The following RPH3AL variants were observed in gnomAD, a reference collection of about 807,000 sequenced individuals.
The protein encoded by RPH3AL is rabphilin 3A like (without C2 domains), also known as rab effector Noc2.
Under a neutral mutation model 43.1 loss-of-function variants are expected in RPH3AL, and 38 were observed. The observed-to-expected ratio is 0.88, with a 90% confidence interval of 0.68 to 1.15. The LOEUF is 1.15. RPH3AL is among the 50% of genes most tolerant of loss of function. The pLI, the probability that RPH3AL is intolerant of heterozygous loss-of-function variation, is 0.00. For synonymous variants in RPH3AL, 189 were observed against 176.3 expected, an observed-to-expected ratio of 1.07 and a Z score of -0.57; for missense variants, 462 against 423.2, an observed-to-expected ratio of 1.09 and a Z score of -0.81.
chr17:305,506 C>A (rs1376685369), intron 5 of RPH3AL, among the ~76,000 whole-genome samples: 2 of 152,164 alleles, frequency 1.3e-5, no homozygotes, highest in Non-Finnish European at 2.9e-5. Flanking sequence ...TCGGTTCCTT[C>A]TCCACTGGAT....
At chr17:312,446 G>A (rs905822339) in intron 5 of RPH3AL, among the ~76,000 whole-genome samples, 10 of 152,142 alleles carry the variant, frequency 6.6e-5, no homozygotes, top group African/African-American at 2.2e-4. Context: ...TCAGAATTTC[G>A]TGCCTCCAAA....
At chr17:236,646 G>A (rs886679131) in intron 7 of RPH3AL, among the ~76,000 whole-genome samples, 9 of 152,228 alleles carry the variant, frequency 5.9e-5, no homozygotes, top group African/African-American at 1.2e-4. Flanking sequence ...CAGCTCAGCC[G>A]CCCTGTCTGT....
At chr17:347,266 A>T (rs550081788) in intron 1 of RPH3AL, among the ~76,000 whole-genome samples, 1,012 of 80,152 alleles carry the variant, frequency 0.013, 162 homozygotes, top group African/African-American at 0.027. Flanking sequence ...CCAGATTTTA[A>T]AAAAATAAAT....
Position 215,750 on chromosome 17 carries a change from G to T in RPH3AL, c.780C>A (p.Leu260=). The change falls in exon 9 of 10, where the codon CTC becomes CTA. Residue 260 remains leucine, a synonymous_variant. Coordinates refer to ENST00000331302, the MANE Select transcript of RPH3AL (RefSeq NM_006987.4). This position sits in a 1 kb window ranked among gnomAD's most constrained non-coding sequence, Gnocchi z 4.1. ...RMGFTHPPGH[L]SGCQSSLASG... ...TGGCCAGGCTGCTCTGGCACCCAGA[G>T]AGGTGGCCCGGCGGGTGGGTGAACC... 7.6e-7 allele frequency: 1 copy of T among 1,308,748 alleles called. No individual in the cohort carries two copies. 81.1% of individuals were successfully genotyped at this position (1,308,748 alleles called of 1,614,324 possible). A position where few individuals can be genotyped will look rare whatever the true frequency, so the allele number is the denominator to read the frequency against.
intron 6 of RPH3AL, among the ~76,000 whole-genome samples, chr17:275,481 G>T (rs540759973): frequency 6.6e-6 from 1 of 151,998 alleles, no homozygotes; most frequent in Non-Finnish European, 1.5e-5. Flanking sequence ...GCATGGGGAC[G>T]TCTGCAGTGG....
chr17:218,504 TG>T (rs1339817974), intron 8 of RPH3AL, among the ~76,000 whole-genome samples: 3 of 152,286 alleles, frequency 2.0e-5, no homozygotes, highest in African/African-American at 7.2e-5. Flanking sequence ...CATTCCTGTT[TG>T]GGGCAGTTAT....
At chr17:237,958 G>A (rs1012538844) in intron 7 of RPH3AL, among the ~76,000 whole-genome samples, 1 of 150,916 alleles carries the variant, frequency 6.6e-6, no homozygotes, top group Non-Finnish European at 1.5e-5. Context: ...GACCAGGCCT[G>A]GACAACGTGG....
At chr17:239,498 C>T (rs1183106271) in intron 7 of RPH3AL, among the ~76,000 whole-genome samples, 5 of 152,160 alleles carry the variant, frequency 3.3e-5, no homozygotes, top group Non-Finnish European at 7.3e-5. Context: ...CTGTTTATTC[C>T]TACAAATAAA....
At chr17:331,487 C>T in intron 2 of RPH3AL, 1 of 1,094,956 alleles carries the variant, frequency 9.1e-7, no homozygotes, top group South Asian at 1.5e-5. Flanking sequence ...CTGTGCACCC[C>T]CACCCTGGCC....
intron 5 of RPH3AL, among the ~76,000 whole-genome samples, chr17:299,928 C>T (rs1202349992): frequency 6.6e-6 from 1 of 152,252 alleles, no homozygotes; most frequent in Non-Finnish European, 1.5e-5. Flanking sequence ...CCCTGCAGGA[C>T]AGCCCTGACC....
chr17:270,937 T>C (rs1405230029), intron 6 of RPH3AL, among the ~76,000 whole-genome samples: 3 of 152,220 alleles, frequency 2.0e-5, no homozygotes, highest in Admixed American at 2.0e-4. Context: ...TAATCCATCT[T>C]GAATTAATTT....
At chr17:233,006 G>A (rs1237201817) in intron 7 of RPH3AL, among the ~76,000 whole-genome samples, 3 of 152,078 alleles carry the variant, frequency 2.0e-5, no homozygotes, top group Non-Finnish European at 4.4e-5. Context: ...AAGCATAAGA[G>A]GCCTTCCTGG....
At chr17:231,684 A>T (rs1020478691) in intron 7 of RPH3AL, among the ~76,000 whole-genome samples, 2 of 152,212 alleles carry the variant, frequency 1.3e-5, no homozygotes, top group Non-Finnish European at 2.9e-5. Flanking sequence ...AGCTCTGCAC[A>T]CCAAAAGCAA....
At chr17:334,729 GCGGCTCCTTCTCCC>G in intron 1 of RPH3AL, among the ~76,000 whole-genome samples, 1 of 120,914 alleles carries the variant, frequency 8.3e-6, no homozygotes, top group Admixed American at 9.0e-5. Flanking sequence ...CCCAGCAAGT[GCGGCTCCTTCTCCC>G]CACGCCTTCC....
rs2043031883 is a variant in RPH3AL, at chr17:290,852, T to C, written c.352-8998A>G. ...TCAGTCACTGGCAGCCTCACACTCC[T>C]GGACGGGCCGGGACAGCTTCACAGC... On this transcript the variant is annotated intron_variant, in intron 5 of 9. Transcript: ENST00000331302. The surrounding 1 kb of genome is among the most constrained non-coding windows in gnomAD (Gnocchi z 4.2). Among the ~76,000 whole-genome samples, 1 of 152,114 alleles carries C rather than the reference T, an allele frequency of 6.6e-6. No homozygotes were observed. The highest frequency in any genetic ancestry group is 2.4e-5 in the African/African-American group (1 of 41,412).
chr17:267,611 C>T (rs1166474306), intron 6 of RPH3AL, among the ~76,000 whole-genome samples: 1 of 152,238 alleles, frequency 6.6e-6, no homozygotes, highest in African/African-American at 2.4e-5. Flanking sequence ...GGGCGGCCTG[C>T]ATCTGGGGAC....
chr17:325,102 C>T (rs1235169389), intron 3 of RPH3AL, among the ~76,000 whole-genome samples: 1 of 152,174 alleles, frequency 6.6e-6, no homozygotes, highest in Admixed American at 6.5e-5. Context: ...CTCAGGTGAT[C>T]CGCCCGCCTC....
At chr17:348,093 T>TAAAAAAAAAA (rs71145709) in intron 1 of RPH3AL, among the ~76,000 whole-genome samples, 1 of 142,378 alleles carries the variant, frequency 7.0e-6, no homozygotes, top group African/African-American at 2.6e-5. Context: ...AAGGAGCAGT[T>TAAAAAAAAAA]AAAAAAAAAA....
intron 5 of RPH3AL, among the ~76,000 whole-genome samples, chr17:318,540 C>T (rs1297267650): frequency 1.3e-5 from 2 of 152,010 alleles, no homozygotes; most frequent in Non-Finnish European, 2.9e-5. Context: ...AATAGCTGTG[C>T]AGCTACCAAC....
Sources: gnomAD v4.1 joint callset for allele counts (sites outside exome capture counted in the v4.1 genomes callset) on GRCh38, gnomAD v4.1.1 for gene constraint, Gnocchi (gnomAD v3.1) non-coding constraint, MANE v1.5 for transcripts, NCBI Gene and HGNC (gene_info 2026-07-23, HGNC 2026-07-21) for gene names.